The following MANBA variants were observed in gnomAD, a reference collection of about 807,000 sequenced individuals.
MANBA encodes the protein mannosidase beta, also known as beta-mannosidase.
Under a neutral mutation model 111.1 loss-of-function variants are expected in MANBA, and 83 were observed. The observed-to-expected ratio is 0.75, with a 90% CI of 0.63 to 0.90. The LOEUF is 0.90. Ranked by LOEUF, MANBA falls within the 40% of genes least tolerant of loss-of-function variation. The pLI is 0.00. For synonymous variants in MANBA, 370 were observed against 378.7 expected, an observed-to-expected ratio of 0.98 and a Z score of 0.27; for missense variants, 1,036 against 1,069.0, an observed-to-expected ratio of 0.97 and a Z score of 0.43.
At chr4:102,672,329 T>C (rs1302309435) in intron 8 of MANBA, among the ~76,000 whole-genome samples, 1 of 152,214 alleles carries the variant, frequency 6.6e-6, no homozygotes, top group Non-Finnish European at 1.5e-5. Flanking sequence ...TTTAAATGTG[T>C]TTATTTTCAT....
chr4:102,672,037 C>T, intron 8 of MANBA: 1 of 398,776 alleles, frequency 2.5e-6, no homozygotes, highest in Non-Finnish European at 4.4e-6. Flanking sequence ...TGAAGGACCA[C>T]AGCCAACCCA....
intron 15 of MANBA, among the ~76,000 whole-genome samples, chr4:102,635,459 G>C (rs371925423): frequency 6.6e-6 from 1 of 151,962 alleles, no homozygotes; most frequent in Non-Finnish European, 1.5e-5. Context: ...TTCCACATGC[G>C]CATTCTGAAT....
At chr4:102,655,961 A>T (rs1730539806) in intron 12 of MANBA, among the ~76,000 whole-genome samples, 1 of 152,232 alleles carries the variant, frequency 6.6e-6, no homozygotes, top group South Asian at 2.1e-4. Flanking sequence ...AAATAATTTT[A>T]AAATGATCAG....
In MANBA at chr4:102,727,977, T is replaced by A. The variant is rs187435692; in HGVS notation, c.178-1294A>T. 3.5e-3 allele frequency: 1,520 copies of A among 434,170 alleles called. 10 individuals are homozygous for A. Among genetic ancestry groups the A allele is most frequent in the Non-Finnish European group, 3.3e-3 (750 of 227,582 alleles). 26.9% of individuals were successfully genotyped at this position (434,170 alleles called of 1,614,324 possible). The stretch of plus-strand genomic sequence containing the variant: ...TCTGGAATGTACGATTGGTTTTAAC[T>A]CAACTTTGCATTTTCTAAAACCAAA... On this transcript the variant is annotated intron_variant, in intron 1 of 16. Transcript: ENST00000647097.
At chr4:102,659,343 G>C (rs1398249967) in intron 11 of MANBA, among the ~76,000 whole-genome samples, 1 of 152,132 alleles carries the variant, frequency 6.6e-6, no homozygotes, top group East Asian at 1.9e-4. Flanking sequence ...CTGAGAGATA[G>C]ACTTCCAGAA....
chr4:102,664,694 G>A lies in MANBA; in HGVS notation c.1476C>T (p.Leu492=), dbSNP rs760944138. The part of the protein sequence containing the change: ...VTLYVKNIRE[L]VLAGDKSRPF... ...AAAAATCATTACTTACTGCCAGTAC[G>A]AGCTCTCTGATGTTTTTCACATAGA... Residue 492 remains leucine (L), a synonymous_variant, in exon 11 of 17, where the codon CTC becomes CTT. Coordinates refer to ENST00000647097, the MANE Select transcript of MANBA (RefSeq NM_005908.4). The A allele has an allele frequency of 1.4e-5, 23 of 1,611,914 alleles. 1 individual carries two copies. Among genetic ancestry groups the A allele is most frequent in the South Asian group, 1.2e-4 (11 of 91,048 alleles).
chr4:102,753,996 C>CT (rs1235616189), intron 1 of MANBA: 1 of 267,516 alleles, frequency 3.7e-6, no homozygotes, highest in East Asian at 1.4e-4. Context: ...GAGTGAGACT[C>CT]TGTCTCAAAA....
chr4:102,704,463 C>T (rs986727065), intron 5 of MANBA, among the ~76,000 whole-genome samples: 2 of 152,280 alleles, frequency 1.3e-5, no homozygotes, highest in South Asian at 4.1e-4. Flanking sequence ...AGCCACCACG[C>T]CCAGCCTTGC....
Position 102,714,547 on chromosome 4 carries a change from A to G in MANBA, c.564T>C (p.Phe188=), listed in dbSNP as rs1050210680. ...GAAAGGAAGGCCCCCAGTCCCAACT[A>G]AAGGAACATTGCTCCTGCAATTTCA... ...VNFVRKEQCS[F]SWDWGPSFPT... Residue 188 remains phenylalanine (F), a synonymous_variant, in exon 5 of 17, where the codon TTT becomes TTC. Transcript: ENST00000647097. The G allele has an allele frequency of 2.8e-5, 45 of 1,608,580 alleles. No individual in the cohort carries two copies. Among genetic ancestry groups the G allele is most frequent in the Non-Finnish European group, 3.4e-5 (40 of 1,175,084 alleles).
chr4:102,660,465 T>A (rs918276642), intron 11 of MANBA, among the ~76,000 whole-genome samples: 3 of 151,952 alleles, frequency 2.0e-5, no homozygotes, highest in Admixed American at 6.6e-5. Context: ...TTTTAAAATT[T>A]AAAAAAAATT....
intron 5 of MANBA, among the ~76,000 whole-genome samples, chr4:102,702,592 G>T (rs1015519486): frequency 6.6e-6 from 1 of 152,106 alleles, no homozygotes; most frequent in Non-Finnish European, 1.5e-5. Context: ...ACCCTCAGCT[G>T]CAGGTCTGTT....
At chr4:102,722,385 T>A (rs1339191223) in intron 4 of MANBA, 3 of 176,326 alleles carry the variant, frequency 1.7e-5, no homozygotes, top group African/African-American at 7.2e-5. Flanking sequence ...CCAAGTCCTC[T>A]TAGACTGGAA....
At chr4:102,680,948 A>G (rs1015584348) in intron 7 of MANBA, among the ~76,000 whole-genome samples, 1 of 152,182 alleles carries the variant, frequency 6.6e-6, no homozygotes, top group African/African-American at 2.4e-5. Flanking sequence ...GCCACCTTCA[A>G]TATAGGCCTA....
chr4:102,689,722 ATTTTCAGC>A (rs1209960898), intron 6 of MANBA, 38 bp from the exon 7 acceptor site: 1 of 1,156,446 alleles, frequency 8.6e-7, no homozygotes, highest in Admixed American at 1.7e-5. Context: ...AATATGTCAT[ATTTTCAGC>A]AAAAAAGGCT....
In MANBA at chr4:102,734,578, A is replaced by G. The variant is rs1319191260; in HGVS notation, c.178-7895T>C. 2.9e-5 allele frequency: 47 copies of G among 1,607,374 alleles called. No homozygotes were observed. The Admixed American group carries it at 7.8e-4, about 27-fold the overall frequency. ...CCCAAGGCTACTGTTCCTTCTGTGA[A>G]CAAGAGGCCCAAGAAAGAGACCAAG... On this transcript the variant is annotated intron_variant, in intron 1 of 16. Coordinates refer to ENST00000647097, the MANE Select transcript of MANBA (RefSeq NM_005908.4).
chr4:102,730,038 C>T (rs1722971735), intron 1 of MANBA: 2 of 798,050 alleles, frequency 2.5e-6, no homozygotes, highest in Non-Finnish European at 4.2e-6. Context: ...ACCTTGGAAG[C>T]TGCTGCTGCC....
intron 1 of MANBA, among the ~76,000 whole-genome samples, chr4:102,755,496 T>G (rs1479091497): frequency 6.6e-6 from 1 of 152,164 alleles, no homozygotes. Flanking sequence ...ACTTAAATGT[T>G]AGACCTAAAA....
chr4:102,632,163 A>T lies in MANBA; in HGVS notation c.2534T>A (p.Leu845His). ...IPGRFSDNGF[L>H]MTEKTRTILF... ...TATAGTTCGTGTCTTCTCAGTCATG[A>T]GGAAACCATTGTCACTAAATCTCCC... is the stretch of plus-strand genomic sequence containing the variant. Residue 845 changes from leucine (L) to histidine (H), a missense_variant, in exon 17 of 17, where the codon CTC (leucine) becomes CAC (histidine). By Grantham distance (99) the Leu-to-His change is moderately conservative. Transcript: ENST00000647097. The T allele has an allele frequency of 6.2e-7, 1 of 1,613,426 alleles. No homozygotes were observed. Among genetic ancestry groups the T allele is most frequent in the Non-Finnish European group, 8.5e-7 (1 of 1,179,306 alleles).
At chr4:102,633,704 C>T (rs1382609363) in intron 16 of MANBA, among the ~76,000 whole-genome samples, 1 of 151,950 alleles carries the variant, frequency 6.6e-6, no homozygotes, top group East Asian at 1.9e-4. Flanking sequence ...GAAGGCCTAA[C>T]TCAGGAAAGA....
Sources: gnomAD v4.1 joint callset for allele counts (sites outside exome capture counted in the v4.1 genomes callset) on GRCh38, gnomAD v4.1.1 for gene constraint, MANE v1.5 for transcripts, NCBI Gene and HGNC (gene_info 2026-07-23, HGNC 2026-07-21) for gene names.